The following IGFL2 variants were observed in gnomAD, a reference collection of about 807,000 sequenced individuals.
IGFL2 encodes insulin growth factor-like family member 2.
Under a neutral mutation model 13.9 loss-of-function variants are expected in IGFL2, and 7 were observed. That is an observed-to-expected ratio of 0.51 (90% CI 0.29 to 0.95). IGFL2 has a LOEUF of 0.95. Ranked by LOEUF, IGFL2 falls within the 40% of genes least tolerant of loss-of-function variation. IGFL2 has a pLI of 0.08. For missense variants in IGFL2, 138 were observed against 147.8 expected, an observed-to-expected ratio of 0.93 and a Z score of 0.34; for synonymous variants, 55 against 55.8, an observed-to-expected ratio of 0.99 and a Z score of 0.07.
the IGFL2 span, among the ~76,000 whole-genome samples, chr19:46,173,000 A>G: frequency 3.9e-5 from 6 of 152,212 alleles, no homozygotes; most frequent in African/African-American, 1.4e-4. Context: ...TGAAAGAGCA[A>G]AAGGGGTTGT....
At chr19:46,106,833 A>G in the IGFL2 span, among the ~76,000 whole-genome samples, 2 of 152,024 alleles carry the variant, frequency 1.3e-5, no homozygotes, top group Middle Eastern at 3.2e-3. Context: ...TTAGATTTTA[A>G]TGGGATGATA....
chr19:46,086,123 A>T, the IGFL2 span, among the ~76,000 whole-genome samples: 3 of 151,484 alleles, frequency 2.0e-5, no homozygotes, highest in Non-Finnish European at 4.4e-5. Context: ...TGTATTTTCT[A>T]TTTCATTCAA....
At chr19:46,185,039 A>G in the IGFL2 span, among the ~76,000 whole-genome samples, 1 of 152,178 alleles carries the variant, frequency 6.6e-6, no homozygotes, top group African/African-American at 2.4e-5. Flanking sequence ...GGCTGCATAA[A>G]TGTCTTCTTT....
chr19:46,212,826 A>G, the IGFL2 span: 8 of 152,302 alleles, frequency 5.3e-5, no homozygotes, highest in African/African-American at 1.7e-4. Context: ...AGCCTGGGAC[A>G]TGTGGGCTTC....
the IGFL2 span, among the ~76,000 whole-genome samples, chr19:46,132,409 A>T: frequency 6.6e-6 from 1 of 152,332 alleles, no homozygotes; most frequent in Admixed American, 6.5e-5. Flanking sequence ...AAAACAATTC[A>T]TTGGGACATA....
chr19:46,124,084 G>A, the IGFL2 span: 1 of 1,611,610 alleles, frequency 6.2e-7, no homozygotes, highest in Non-Finnish European at 8.5e-7. Flanking sequence ...GCACTGCTCT[G>A]AAGGGTTGTA....
chr19:46,085,176 A>C, the IGFL2 span, among the ~76,000 whole-genome samples: 1 of 152,284 alleles, frequency 6.6e-6, no homozygotes, highest in East Asian at 1.9e-4. Context: ...CAGTGAGCCG[A>C]GATTGCGCCA....
the IGFL2 span, among the ~76,000 whole-genome samples, chr19:46,133,648 T>C: frequency 6.6e-6 from 1 of 152,250 alleles, no homozygotes; most frequent in Non-Finnish European, 1.5e-5. Flanking sequence ...TATATTGATT[T>C]CTTTATTATG....
chr19:46,163,136 G>C (rs1974240054), downstream of IGFL2, among the ~76,000 whole-genome samples: 1 of 152,182 alleles, frequency 6.6e-6, no homozygotes, highest in Admixed American at 6.5e-5. Context: ...TTGGTCAGTT[G>C]TATGGCTCCC....
chr19:46,179,481 C>T, the IGFL2 span: 1 of 152,646 alleles, frequency 6.6e-6, no homozygotes, highest in African/African-American at 2.4e-5. Flanking sequence ...TGGGGTCCTC[C>T]TTACTTGACG....
chr19:46,178,958 A>G, the IGFL2 span, among the ~76,000 whole-genome samples: 1 of 152,204 alleles, frequency 6.6e-6, no homozygotes, highest in Non-Finnish European at 1.5e-5. Context: ...AAACCTCTTT[A>G]AATATTTTAC....
upstream of IGFL2, among the ~76,000 whole-genome samples, chr19:46,146,210 C>T (rs377442572): frequency 7.9e-5 from 12 of 151,350 alleles, no homozygotes; most frequent in African/African-American, 2.7e-4. Context: ...AAATGACTAT[C>T]TTTTCCCCCA....
In IGFL2 at chr19:46,161,075, G is replaced by A; in HGVS notation, c.347G>A (p.Arg116Lys). The part of the protein sequence containing the change: ...SPISSKCESR[R>K]RFP ...TGGTTTCTTTTTCTCTGTAGCAGAA[G>A]ACGTTTTCCCTGAGAAGACATAGAA... Residue 116 changes from arginine to lysine, a missense_variant, in exon 4 of 4, where the codon AGA becomes AAA. Arg to Lys is a conservative substitution (Grantham distance 26). Transcript: ENST00000377693. 1.9e-6 allele frequency: 3 copies of A among 1,590,472 alleles called. No individual in the cohort carries two copies. Among genetic ancestry groups the A allele is most frequent in the Non-Finnish European group, 2.6e-6 (3 of 1,166,850 alleles).
chr19:46,118,008 G>A, the IGFL2 span, among the ~76,000 whole-genome samples: 1 of 152,248 alleles, frequency 6.6e-6, no homozygotes, highest in African/African-American at 2.4e-5. Flanking sequence ...ATAATCTACT[G>A]TTGATTTTAT....
the IGFL2 span, among the ~76,000 whole-genome samples, chr19:46,080,412 AT>A: frequency 9.7e-3 from 1,481 of 152,300 alleles, 24 homozygotes; most frequent in African/African-American, 0.034. Context: ...AAAAGAATAA[AT>A]TTAAAAGGAA....
chr19:46,137,264 C>G, the IGFL2 span: 2 of 1,313,280 alleles, frequency 1.5e-6, no homozygotes, highest in Non-Finnish European at 2.2e-6. Flanking sequence ...GCCATCCTTT[C>G]TCAGCATGTC....
chr19:46,205,458 G>T, the IGFL2 span, among the ~76,000 whole-genome samples: 24 of 152,140 alleles, frequency 1.6e-4, no homozygotes, highest in African/African-American at 5.8e-4. Context: ...ATTAGGGTGG[G>T]GTGGTCAGCT....
At chr19:46,177,813 T>C in the IGFL2 span, among the ~76,000 whole-genome samples, 1 of 151,994 alleles carries the variant, frequency 6.6e-6, no homozygotes, top group Non-Finnish European at 1.5e-5. Flanking sequence ...AAACCAAAAA[T>C]AAAATCTTCA....
the IGFL2 span, chr19:46,202,706 T>C: frequency 2.0e-5 from 3 of 152,126 alleles, no homozygotes. Context: ...GAATTTTGAG[T>C]TCATGGACAA....
Sources: allele counts gnomAD v4.1 joint callset (sites outside exome capture counted in the v4.1 genomes callset), GRCh38; gene constraint gnomAD v4.1.1; transcripts MANE v1.5; gene names NCBI Gene and HGNC (gene_info 2026-07-23, HGNC 2026-07-21).